Variants in COG7 observed in about 807,000 individuals in gnomAD.
COG7 encodes the protein component of oligomeric golgi complex 7.
COG7 carries 49 observed loss-of-function variants against 91.5 expected under a neutral mutation model. That is an observed-to-expected ratio of 0.54 (90% CI 0.43 to 0.68). COG7 has a LOEUF of 0.68. Among genes scored for constraint, COG7 ranks in the 30% least tolerant of loss-of-function variants. COG7 has a pLI of 0.00. For missense variants in COG7, 895 were observed against 961.3 expected, an observed-to-expected ratio of 0.93 and a Z score of 0.91; for synonymous variants, 365 against 388.7, an observed-to-expected ratio of 0.94 and a Z score of 0.72.
intron 4 of COG7, among the ~76,000 whole-genome samples, chr16:23,442,161 C>A (rs1964111336): frequency 6.6e-6 from 1 of 152,032 alleles, no homozygotes; most frequent in South Asian, 2.1e-4. Flanking sequence ...TGGTGAAAGC[C>A]CGTTTCTATT....
At chr16:23,423,467 C>T (rs1596937009) in intron 7 of COG7, among the ~76,000 whole-genome samples, 2 of 152,320 alleles carry the variant, frequency 1.3e-5, no homozygotes, top group South Asian at 4.1e-4. Context: ...GCTCCACCTT[C>T]GTCCCACTGT....
At chr16:23,424,532 G>GGCA in intron 7 of COG7, among the ~76,000 whole-genome samples, 1 of 152,136 alleles carries the variant, frequency 6.6e-6, no homozygotes, top group Non-Finnish European at 1.5e-5. Flanking sequence ...AAGGCACCCA[G>GGCA]GCAGCACTGG....
intron 12 of COG7, among the ~76,000 whole-genome samples, chr16:23,405,390 C>T (rs1374593023): frequency 6.6e-6 from 1 of 152,176 alleles, no homozygotes; most frequent in African/African-American, 2.4e-5. Flanking sequence ...GGTCCCCTCT[C>T]AGGAGGCTGA....
intron 15 of COG7, 100 bp from the exon 16 acceptor site, chr16:23,392,623 G>C: frequency 6.9e-7 from 1 of 1,457,872 alleles, no homozygotes; most frequent in Non-Finnish European, 9.6e-7. Flanking sequence ...GCAAACACAG[G>C]AAACCGAAAA....
chr16:23,409,022 C>T (rs1963514955), intron 11 of COG7, among the ~76,000 whole-genome samples: 1 of 151,794 alleles, frequency 6.6e-6, no homozygotes, highest in South Asian at 2.1e-4. Flanking sequence ...AAGGGACAGT[C>T]ACCATCTGTG....
chr16:23,433,641 C>G lies in COG7; in HGVS notation c.714G>C (p.Glu238Asp), dbSNP rs1267812945. The G allele has an allele frequency of 6.2e-7, 1 of 1,614,064 alleles. No individual in the cohort carries two copies. Residue 238 changes from glutamate to aspartate, a missense_variant, in exon 6 of 17, where the codon GAG (glutamate) becomes GAC (aspartate). By Grantham distance (45) the Glu-to-Asp change is conservative (BLOSUM62 2). Coordinates refer to ENST00000307149, the MANE Select transcript of COG7 (RefSeq NM_153603.4). The stretch of plus-strand genomic sequence containing the variant: ...CCAGGGATAGGTCACTTTGACACAG[C>G]TCTTGCCAGGCTGCTAAAAGCTGCA... ...HKVQLLAAWQ[E>D]LCQSDLSLDR... is the part of the protein sequence containing the mutation.
intron 6 of COG7, 31 bp downstream of exon 6, chr16:23,433,514 T>C: frequency 1.2e-6 from 2 of 1,613,884 alleles, no homozygotes; most frequent in South Asian, 1.1e-5. Flanking sequence ...CCACAGACTC[T>C]GTTCTCCCTA....
intron 6 of COG7, among the ~76,000 whole-genome samples, chr16:23,432,412 A>G (rs556406094): frequency 6.6e-6 from 1 of 152,278 alleles, no homozygotes; most frequent in East Asian, 1.9e-4. Flanking sequence ...GGTTTCGTAC[A>G]TAGCAGAGCA....
Position 23,408,333 on chromosome 16 carries a change from GAGTGGGGCGGGAGGTAGGGGA to G in COG7, c.1475+1941_1475+1961del, listed in dbSNP as rs1963501160. Among the ~76,000 whole-genome samples the G allele has an allele frequency of 1.1e-3, 38 of 33,982 alleles. 7 individuals are homozygous for G. The South Asian group carries it at 0.015, about 13-fold the overall frequency. The allele number at this position is 33,982 out of a possible 152,430, so 22.3% of individuals were successfully genotyped here. A position where few individuals can be genotyped will look rare whatever the true frequency, so the allele number is the denominator to read the frequency against. On this transcript the variant is annotated intron_variant, in intron 11 of 16. Transcript: ENST00000307149. ...GGCGAGTGGGGCGGGAGGTAGGGGCGAGTGGGGCGGGAGGTAGGGGACGAGTGGGGCGGGAGGTAGGGGACG... is the reference window on the plus strand; with the variant it reads ...GGCGAGTGGGGCGGGAGGTAGGGGCGCGAGTGGGGCGGGAGGTAGGGGACG...
intron 1 of COG7, among the ~76,000 whole-genome samples, chr16:23,449,621 C>T (rs1596961651): frequency 2.7e-5 from 4 of 148,362 alleles, no homozygotes; most frequent in Admixed American, 1.3e-4. Context: ...CATGCCTATA[C>T]ACCCAGCTAC....
chr16:23,426,818 C>CAAAAAAAAAAAAAAAAAAAA (rs1176659874), intron 6 of COG7, among the ~76,000 whole-genome samples: 2 of 60,234 alleles, frequency 3.3e-5, no homozygotes, highest in East Asian at 4.6e-4. Flanking sequence ...AGCAATTGGA[C>CAAAAAAAAAAAAAAAAAAAA]AAAAAAAAAA....
chr16:23,406,751 T>A (rs938809342), intron 11 of COG7, among the ~76,000 whole-genome samples: 3 of 152,220 alleles, frequency 2.0e-5, no homozygotes, highest in Non-Finnish European at 4.4e-5. Flanking sequence ...CCACCTGTCC[T>A]ACATGCCGAG....
intron 11 of COG7, among the ~76,000 whole-genome samples, chr16:23,408,964 G>A (rs1279463116): frequency 6.6e-6 from 1 of 151,876 alleles, no homozygotes; most frequent in Non-Finnish European, 1.5e-5. Flanking sequence ...GTGTATCCAA[G>A]GGAGCTCCTG....
chr16:23,398,531 C>T (rs536121501), intron 13 of COG7, among the ~76,000 whole-genome samples: 1 of 152,106 alleles, frequency 6.6e-6, no homozygotes, highest in Non-Finnish European at 1.5e-5. Context: ...CTCACTACTT[C>T]GTGGGTCCTT....
chr16:23,443,818 A>T (rs1344345490), intron 3 of COG7, among the ~76,000 whole-genome samples: 3 of 152,118 alleles, frequency 2.0e-5, no homozygotes, highest in African/African-American at 7.2e-5. Flanking sequence ...ATCTGGAAGG[A>T]TGGGCATAAA....
chr16:23,404,582 C>A (rs182714416), intron 12 of COG7, among the ~76,000 whole-genome samples: 1 of 152,280 alleles, frequency 6.6e-6, no homozygotes, highest in Admixed American at 6.5e-5. Context: ...CATGTCCAGG[C>A]CCCCTGTGCA....
rs752542547 is a variant in COG7 at position 23,393,276 on chromosome 16, C to T, written c.1959G>A (p.Glu653=). The T allele has an allele frequency of 2.5e-6, 4 of 1,614,064 alleles. No individual in the cohort carries two copies. The African/African-American group carries it at 5.3e-5, about 22-fold the overall frequency. ...GCAGCTTTCCAGCGTGCAATGCCAA[C>T]TCTAAGGCAGAGTCCTCCTGAGTCA... ...PFVTQEDSAL[E]LALHAGKLPF... The change falls in exon 15 of 17, where the codon GAG becomes GAA. Residue 653 remains glutamate, a synonymous_variant. Coordinates refer to ENST00000307149, the MANE Select transcript of COG7 (RefSeq NM_153603.4).
chr16:23,432,649 G>A lies in COG7; in HGVS notation c.810+896C>T, dbSNP rs147643717. Among the ~76,000 whole-genome samples, 67 of 152,238 alleles carry A rather than the reference G, an allele frequency of 4.4e-4. 1 individual carries two copies. Among genetic ancestry groups the A allele is most frequent in the Admixed American group, 1.8e-3 (28 of 15,294 alleles). ...TCCTGTCTCAAGGCAAGAGAACAAC[G>A]GTTTAAAACCTTTATGGCTGGAAAT... On this transcript the variant is annotated intron_variant, in intron 6 of 16. Coordinates refer to ENST00000307149, the MANE Select transcript of COG7 (RefSeq NM_153603.4).
chr16:23,447,673 A>T (rs1323837052), intron 1 of COG7, among the ~76,000 whole-genome samples: 1 of 151,890 alleles, frequency 6.6e-6, no homozygotes, highest in Non-Finnish European at 1.5e-5. Flanking sequence ...AGGCTGAGGC[A>T]GGCAGATCAC....
Sources: allele counts gnomAD v4.1 joint callset (sites outside exome capture counted in the v4.1 genomes callset), GRCh38; gene constraint gnomAD v4.1.1; transcripts MANE v1.5; gene names NCBI Gene and HGNC (gene_info 2026-07-23, HGNC 2026-07-21).